The following SEMA5A variants were observed in gnomAD, a reference collection of about 807,000 sequenced individuals.
The protein encoded by SEMA5A is semaphorin 5A.
SEMA5A carries 55 observed loss-of-function variants against 135.5 expected under a neutral mutation model. The ratio of observed to expected loss-of-function variants is 0.41; its 90% CI spans 0.33 to 0.51. SEMA5A has a LOEUF of 0.51. Ranked by LOEUF, SEMA5A falls within the 20% of genes least tolerant of loss-of-function variation. The probability of loss-of-function intolerance (pLI) is 0.37; values close to 1 mark genes in which losing one functional copy is unlikely to be tolerated. For synonymous variants in SEMA5A, 580 were observed against 546.5 expected, an observed-to-expected ratio of 1.06 and a Z score of -0.85; for missense variants, 1,290 against 1,419.9, an observed-to-expected ratio of 0.91 and a Z score of 1.47.
intron 3 of SEMA5A, among the ~76,000 whole-genome samples, chr5:9,352,854 G>A (rs1002533827): frequency 6.6e-6 from 1 of 151,964 alleles, no homozygotes; most frequent in Non-Finnish European, 1.5e-5. Context: ...GTGCTACACT[G>A]GCAGAGTTGA....
rs776728143 is a variant in SEMA5A, at chr5:9,204,398, T to C, written c.647-2158A>G. ...GACAAATGGCATGAAAACCACATAG[T>C]AAATAGCTCCAGTTTCTCAAAAGTC... On this transcript the variant is annotated intron_variant, in intron 8 of 22. Coordinates refer to ENST00000382496, the MANE Select transcript of SEMA5A (RefSeq NM_003966.3). This position sits in a 1 kb window ranked among gnomAD's most constrained non-coding sequence, Gnocchi z 6.4. Among the ~76,000 whole-genome samples the C allele has an allele frequency of 5.3e-5, 8 of 152,178 alleles. No individual in the cohort carries two copies. The highest frequency in any genetic ancestry group is 7.4e-5 in the Non-Finnish European group (5 of 68,018).
chr5:9,311,397 T>C (rs929919701), intron 5 of SEMA5A, among the ~76,000 whole-genome samples: 1 of 151,956 alleles, frequency 6.6e-6, no homozygotes, highest in African/African-American at 2.4e-5. Context: ...ATATACACCA[T>C]GGAATACTAT....
At chr5:9,277,493 C>G (rs1195906582) in intron 5 of SEMA5A, among the ~76,000 whole-genome samples, 1 of 152,132 alleles carries the variant, frequency 6.6e-6, no homozygotes, top group East Asian at 1.9e-4. Flanking sequence ...ATAAATCATT[C>G]TACTATAAAG....
At position 9,180,149 on chromosome 5, in the gene SEMA5A, T is replaced by A. The variant is rs1744422229; in HGVS notation, c.1273+10118A>T. On this transcript the variant is annotated intron_variant, in intron 11 of 22. Transcript: ENST00000382496. ...CACACCAGTCATATTGGATTAAGGG[T>A]CCACTGTACTCCAGTATGACTTCAT... Among the ~76,000 whole-genome samples the A allele has an allele frequency of 2.6e-5, 4 of 152,142 alleles. No individual in the cohort carries two copies. The South Asian group carries it at 6.2e-4, about 24-fold the overall frequency.
At position 9,387,978 on chromosome 5, in the gene SEMA5A, G is replaced by C. The variant is rs546693631; in HGVS notation, c.-77-7955C>G. On this transcript the variant is annotated intron_variant, in intron 2 of 22. Transcript: ENST00000382496. ...CTCGATTGCCAAGTTTCAGCTGAAAGAAGTTTGTCATAAATGAATTAGGGA... is the reference window on the plus strand; with the variant it reads ...CTCGATTGCCAAGTTTCAGCTGAAACAAGTTTGTCATAAATGAATTAGGGA... Among the ~76,000 whole-genome samples, 5 of 152,262 alleles carry C rather than the reference G, an allele frequency of 3.3e-5. No individual in the cohort carries two copies. In the South Asian group the frequency reaches 1.0e-3, roughly 32 times the overall value.
chr5:9,331,979 A>G (rs1261112066), intron 4 of SEMA5A, among the ~76,000 whole-genome samples: 1 of 152,258 alleles, frequency 6.6e-6, no homozygotes, highest in African/African-American at 2.4e-5. Flanking sequence ...ATCTAGAAAT[A>G]CTGTAATGGT....
At chr5:9,136,668 G>T in intron 12 of SEMA5A, 47 bp from the exon 13 acceptor site, 1 of 1,496,754 alleles carries the variant, frequency 6.7e-7, no homozygotes, top group Non-Finnish European at 9.3e-7. Context: ...CTTTACCCAT[G>T]ATAAGATACA....
At chr5:9,296,256 A>G (rs1005057534) in intron 5 of SEMA5A, among the ~76,000 whole-genome samples, 17 of 152,304 alleles carry the variant, frequency 1.1e-4, no homozygotes, top group African/African-American at 3.8e-4. Context: ...TACTATCTGT[A>G]TATCCGTTTA....
intron 2 of SEMA5A, among the ~76,000 whole-genome samples, chr5:9,394,660 T>C (rs926275883): frequency 1.3e-5 from 2 of 152,146 alleles, no homozygotes; most frequent in Admixed American, 1.3e-4. Flanking sequence ...GTGGGAATCA[T>C]GTCAACGAAG....
chr5:9,316,912 C>T (rs1233418798), intron 5 of SEMA5A, among the ~76,000 whole-genome samples: 1 of 152,108 alleles, frequency 6.6e-6, no homozygotes, highest in Non-Finnish European at 1.5e-5. Flanking sequence ...ATTCCTTTGT[C>T]TAACTGGAAT....
intron 5 of SEMA5A, among the ~76,000 whole-genome samples, chr5:9,314,639 A>G (rs774994146): frequency 6.6e-6 from 1 of 152,090 alleles, no homozygotes; most frequent in Non-Finnish European, 1.5e-5. Context: ...ACTGTCATGT[A>G]AATTAAAATA....
chr5:9,110,118 G>A (rs978155665), intron 15 of SEMA5A, among the ~76,000 whole-genome samples: 4 of 152,150 alleles, frequency 2.6e-5, no homozygotes, highest in Non-Finnish European at 2.9e-5. Context: ...AGTAAAGCAC[G>A]AAAGATCATT....
At chr5:9,279,486 G>C (rs1013832615) in intron 5 of SEMA5A, among the ~76,000 whole-genome samples, 1 of 152,128 alleles carries the variant, frequency 6.6e-6, no homozygotes, top group Non-Finnish European at 1.5e-5. Flanking sequence ...ATGGGGGATT[G>C]TTGGGAAGCC....
At chr5:9,079,294 C>G (rs1738241173) in intron 16 of SEMA5A, among the ~76,000 whole-genome samples, 2 of 152,094 alleles carry the variant, frequency 1.3e-5, no homozygotes, top group African/African-American at 4.8e-5. Context: ...AACTGAACAA[C>G]CTGCTCTTGA....
intron 2 of SEMA5A, among the ~76,000 whole-genome samples, chr5:9,394,387 C>T (rs902599493): frequency 6.6e-6 from 1 of 152,172 alleles, no homozygotes; most frequent in Non-Finnish European, 1.5e-5. Context: ...ACCATTGCCT[C>T]CATGGCCCTC....
chr5:9,430,260 G>A (rs1380848493), intron 2 of SEMA5A, among the ~76,000 whole-genome samples: 1 of 152,154 alleles, frequency 6.6e-6, no homozygotes, highest in East Asian at 1.9e-4. Context: ...TAGGGGTTGT[G>A]GGGAGAAAAG....
chr5:9,522,908 G>A (rs531158548), intron 1 of SEMA5A: 5 of 152,186 alleles, frequency 3.3e-5, no homozygotes, highest in African/African-American at 4.8e-5. Context: ...TCTTCATAAT[G>A]TTATTAAACA....
chr5:9,214,718 C>T (rs980491828), intron 8 of SEMA5A, among the ~76,000 whole-genome samples: 21 of 152,184 alleles, frequency 1.4e-4, no homozygotes, highest in African/African-American at 5.1e-4. Flanking sequence ...CATGCTCTGC[C>T]CACACATTCT....
At chr5:9,537,541 T>A (rs1381770910) in intron 1 of SEMA5A, among the ~76,000 whole-genome samples, 1 of 152,194 alleles carries the variant, frequency 6.6e-6, no homozygotes, top group Non-Finnish European at 1.5e-5. Context: ...TGTATCCTCA[T>A]AAATAACTCC....
Sources: allele counts gnomAD v4.1 joint callset (sites outside exome capture counted in the v4.1 genomes callset), GRCh38; gene constraint gnomAD v4.1.1; non-coding constraint Gnocchi (gnomAD v3.1); transcripts MANE v1.5; gene names NCBI Gene and HGNC (gene_info 2026-07-23, HGNC 2026-07-21).